The following PTGS1 variants were observed in gnomAD, a reference collection of about 807,000 sequenced individuals.
PTGS1 encodes prostaglandin-endoperoxide synthase 1, also known as prostaglandin G/H synthase 1.
A neutral mutation model predicts 63.0 loss-of-function variants in PTGS1; 40 were observed. The observed-to-expected ratio is 0.63, with a 90% CI of 0.49 to 0.83. The LOEUF is 0.83. PTGS1 is among the 40% of genes least tolerant of loss of function. The pLI is 0.00. For synonymous variants in PTGS1, 298 were observed against 301.9 expected (o/e 0.99, Z 0.13); for missense variants, 709 against 786.5 (o/e 0.90, Z 1.18).
At chr9:122,377,215 G>A (rs1266430769) in intron 2 of PTGS1, among the ~76,000 whole-genome samples, 4 of 152,194 alleles carry the variant, frequency 2.6e-5, no homozygotes, top group Non-Finnish European at 4.4e-5. Flanking sequence ...CCTTAGACTT[G>A]GCTGCTGAGG....
At chr9:122,391,358 CATATATATATAT>C (rs5900521) in intron 10 of PTGS1, among the ~76,000 whole-genome samples, 1 of 104,308 alleles carries the variant, frequency 9.6e-6, no homozygotes, top group African/African-American at 4.1e-5. Context: ...TATATATATA[CATATATATATAT>C]ACATATATAT....
chr9:122,371,075 C>G lies in PTGS1; in HGVS notation c.-10C>G. The G allele has an allele frequency of 1.3e-6, 2 of 1,596,948 alleles. No individual in the cohort carries two copies. The highest frequency in any genetic ancestry group is 1.7e-6 in the Non-Finnish European group (2 of 1,177,960). ...CTGCACTCTGCGTCCCGCACCCCAGCAGCCGCGCCATGAGCCGTGAGTGCG... is the reference window on the plus strand; with the variant it reads ...CTGCACTCTGCGTCCCGCACCCCAGGAGCCGCGCCATGAGCCGTGAGTGCG... On this transcript the variant is annotated 5_prime_UTR_variant, in exon 1 of 11. Transcript: ENST00000362012.
chr9:122,375,351 G>T (rs959098966), intron 2 of PTGS1: 17 of 985,394 alleles, frequency 1.7e-5, no homozygotes, highest in Non-Finnish European at 2.0e-5. Flanking sequence ...TGCCGAGGCA[G>T]AGCTCTAGGG....
Position 122,386,430 on chromosome 9 carries a change from A to G in PTGS1, c.1010-16A>G, listed in dbSNP as rs370919854. 17 of 1,612,630 alleles carry G rather than the reference A, an allele frequency of 1.1e-5. No individual in the cohort carries two copies. The highest frequency in any genetic ancestry group is 1.3e-5 in the African/African-American group (1 of 74,882). ...CTGTGCTTGGCTGACCCTATTTCCA[A>G]TCCTGCCCTGCCCAGGGGAGACCAT... On this transcript the variant is annotated splice_polypyrimidine_tract_variant and intron_variant, in intron 8 of 10. Transcript: ENST00000362012.
chr9:122,374,719 G>C (rs1462550399), intron 2 of PTGS1, among the ~76,000 whole-genome samples: 1 of 152,134 alleles, frequency 6.6e-6, no homozygotes, highest in Non-Finnish European at 1.5e-5. Flanking sequence ...GGTTTCATTC[G>C]TTCTGGATTT....
Position 122,371,189 on chromosome 9 carries a change from G to T in PTGS1, c.11G>T (p.Ser4Ile). The T allele has an allele frequency of 6.2e-7, 1 of 1,609,240 alleles. No individual in the cohort carries two copies. ...CCCTCATCTCTCTCCTCTGCAGGGA[G>T]TCTCTTGCTCTGGTTCTTGCTGTTC... is the stretch of plus-strand genomic sequence containing the variant. The part of the protein sequence containing the change: MSR[S>I]LLLWFLLFLL... Residue 4 changes from serine (S) to isoleucine (I), a missense_variant, in exon 2 of 11, where the codon AGT (serine) becomes ATT (isoleucine). By Grantham distance (142) the Ser-to-Ile change is moderately radical. Transcript: ENST00000362012.
chr9:122,380,612 A>G (rs1468272355), intron 5 of PTGS1, among the ~76,000 whole-genome samples: 1 of 152,240 alleles, frequency 6.6e-6, no homozygotes, highest in Non-Finnish European at 1.5e-5. Flanking sequence ...TTTATGTGTC[A>G]TCTGTGACTG....
rs766866338 is a variant in PTGS1 at position 122,386,474 on chromosome 9, G to C, written c.1038G>C (p.Glu346Asp). The change falls in exon 9 of 11, where the codon GAG becomes GAC. Residue 346 changes from glutamate to aspartate, a missense_variant. Physicochemically the swap from Glu to Asp is conservative, Grantham distance 45. Coordinates refer to ENST00000362012, the MANE Select transcript of PTGS1 (RefSeq NM_000962.4). ...AGACCATCAAGATTGTCATCGAGGA[G>C]TACGTGCAGCAGCTGAGTGGCTATT... Reference protein sequence around the residue: ...IGETIKIVIEEYVQQLSGYFL... With the variant: ...IGETIKIVIEDYVQQLSGYFL... 22 of 1,614,086 alleles carry C rather than the reference G, an allele frequency of 1.4e-5. No individual in the cohort carries two copies. The Admixed American group carries it at 2.8e-4, about 21-fold the overall frequency.
At position 122,392,391 on chromosome 9, in the gene PTGS1, T is replaced by C; in HGVS notation, c.1647T>C (p.Phe549=). The part of the protein sequence containing the change: ...CSPEYWKPST[F]GGEVGFNIVK... ...CGGAGTACTGGAAGCCGAGCACATT[T>C]GGCGGCGAGGTGGGCTTTAACATTG... is the stretch of plus-strand genomic sequence containing the variant. The change falls in exon 11 of 11, where the codon TTT becomes TTC. Residue 549 remains phenylalanine (F), a synonymous_variant. Transcript: ENST00000362012. 1 of 1,614,138 alleles carries C rather than the reference T, an allele frequency of 6.2e-7. No homozygotes were observed. The highest frequency in any genetic ancestry group is 2.2e-5 in the East Asian group (1 of 44,880).
chr9:122,381,364 C>T lies in PTGS1; in HGVS notation c.497-7C>T. 1 of 1,613,446 alleles carries T rather than the reference C, an allele frequency of 6.2e-7. No homozygotes were observed. The highest frequency in any genetic ancestry group is 1.3e-5 in the African/African-American group (1 of 75,032). On this transcript the variant is annotated splice_polypyrimidine_tract_variant and splice_region_variant and intron_variant, in intron 5 of 10. Transcript: ENST00000362012. Reference sequence around the variant, plus strand: ...GAAGCTACTGCTGTTTCCTACCCCCCAACCAGGGAAGAAGCAGTTGCCAGA... The same window carrying T: ...GAAGCTACTGCTGTTTCCTACCCCCTAACCAGGGAAGAAGCAGTTGCCAGA...
intron 10 of PTGS1, among the ~76,000 whole-genome samples, chr9:122,391,629 G>T (rs1444872767): frequency 6.6e-6 from 1 of 151,310 alleles, no homozygotes; most frequent in Non-Finnish European, 1.5e-5. Flanking sequence ...TGAACATGTG[G>T]ATATTGCAGA....
At chr9:122,376,201 C>G (rs1467642426) in intron 2 of PTGS1, among the ~76,000 whole-genome samples, 1 of 152,158 alleles carries the variant, frequency 6.6e-6, no homozygotes, top group Admixed American at 6.5e-5. Flanking sequence ...GCCAGGTTTG[C>G]CTGTGGCTGC....
In PTGS1 at chr9:122,383,675, G is replaced by A. The variant is rs201325322; in HGVS notation, c.929G>A (p.Arg310His). The change falls in exon 8 of 11, where the codon CGT becomes CAT. Residue 310 changes from arginine to histidine, a missense_variant. Physicochemically the swap from Arg to His is conservative, Grantham distance 29 (BLOSUM62 0). Coordinates refer to ENST00000362012, the MANE Select transcript of PTGS1 (RefSeq NM_000962.4). ...ACGCTCTGGCTACGTGAGCACAACC[G>A]TGTGTGTGACCTGCTGAAGGCTGAG... is the stretch of plus-strand genomic sequence containing the variant. ...YATLWLREHNRVCDLLKAEHP... is the reference protein window; with the variant it reads ...YATLWLREHNHVCDLLKAEHP... 1.3e-5 allele frequency: 21 copies of A among 1,614,000 alleles called. No individual in the cohort carries two copies. Among genetic ancestry groups the A allele is most frequent in the South Asian group, 2.2e-5 (2 of 91,074 alleles).
chr9:122,391,430 T>TAC (rs1197963680), intron 10 of PTGS1, among the ~76,000 whole-genome samples: 19 of 25,396 alleles, frequency 7.5e-4, no homozygotes, highest in Non-Finnish European at 2.3e-3. Context: ...TATATATACA[T>TAC]ATATATATAT....
intron 7 of PTGS1, among the ~76,000 whole-genome samples, chr9:122,382,346 C>T (rs946978558): frequency 1.3e-5 from 2 of 152,124 alleles, no homozygotes; most frequent in African/African-American, 4.8e-5. Flanking sequence ...ATGTCACATT[C>T]TTTTTTCATG....
At position 122,386,451 on chromosome 9, in the gene PTGS1, ACCAT is replaced by A; in HGVS notation, c.1017_1020del (p.Ile340ArgfsTer11). On this transcript the variant is annotated frameshift_variant, in exon 9 of 11. Transcript: ENST00000362012. LOFTEE classifies it high-confidence loss of function. ...TCCAATCCTGCCCTGCCCAGGGGAG[ACCAT>A]CAAGATTGTCATCGAGGAGTACGTG... 1.2e-6 allele frequency: 2 copies of A among 1,614,072 alleles called. No individual in the cohort carries two copies. Among genetic ancestry groups the A allele is most frequent in the Non-Finnish European group, 1.7e-6 (2 of 1,179,966 alleles).
At position 122,381,646 on chromosome 9, in the gene PTGS1, AC is replaced by A; in HGVS notation, c.679-14del. 2 of 1,613,496 alleles carry A rather than the reference AC, an allele frequency of 1.2e-6. No homozygotes were observed. The highest frequency in any genetic ancestry group is 1.7e-6 in the Non-Finnish European group (2 of 1,179,526). On this transcript the variant is annotated splice_polypyrimidine_tract_variant and intron_variant, in intron 6 of 10. Coordinates refer to ENST00000362012, the MANE Select transcript of PTGS1 (RefSeq NM_000962.4). ...GCCGGCACCCTGGTGACCTGAGGGA[AC>A]CCCTCTCTGTCCACAGGTAGACCTC...
At chr9:122,370,796 G>A, upstream of PTGS1, 1 of 592,806 alleles carries the variant, frequency 1.7e-6, no homozygotes, top group Non-Finnish European at 3.0e-6. Context: ...CATCGTCTCT[G>A]AGCCTCAGTT....
At position 122,392,413 on chromosome 9, in the gene PTGS1, A is replaced by G. The variant is rs143433344; in HGVS notation, c.1669A>G (p.Ile557Val). The G allele has an allele frequency of 3.8e-5, 61 of 1,614,006 alleles. No individual in the cohort carries two copies. The African/African-American group carries it at 8.0e-4, about 21-fold the overall frequency. The change falls in exon 11 of 11, where the codon ATT (isoleucine) becomes GTT (valine). Residue 557 changes from isoleucine (I) to valine (V), a missense_variant. Ile to Val is a conservative substitution (Grantham distance 29, BLOSUM62 3). Coordinates refer to ENST00000362012, the MANE Select transcript of PTGS1 (RefSeq NM_000962.4). ...STFGGEVGFN[I>V]VKTATLKKLV... ...ATTTGGCGGCGAGGTGGGCTTTAAC[A>G]TTGTCAAGACGGCCACACTGAAGAA...
Sources: gnomAD v4.1 joint callset for allele counts (sites outside exome capture counted in the v4.1 genomes callset) on GRCh38, gnomAD v4.1.1 for gene constraint, MANE v1.5 for transcripts, NCBI Gene and HGNC (gene_info 2026-07-23, HGNC 2026-07-21) for gene names.